The following CROT variants were observed in gnomAD, a reference collection of about 807,000 sequenced individuals.
The protein encoded by CROT is carnitine O-octanoyltransferase.
In CROT, 84 loss-of-function variants were observed where a neutral mutation model predicts 89.2. That is an observed-to-expected ratio of 0.94 (90% confidence interval 0.79 to 1.13). The LOEUF (loss-of-function observed/expected upper bound fraction) is 1.13, where lower values mean the gene tolerates loss of function less well. Among genes scored for constraint, CROT ranks in the 50% most tolerant of loss-of-function variants. CROT has a pLI of 0.00. For missense variants in CROT, 711 were observed against 727.8 expected (o/e 0.98, Z 0.27); for synonymous variants, 212 against 239.5 (o/e 0.89, Z 1.06).
Position 87,398,422 on chromosome 7 carries a change from AT to A in CROT, c.1719-99del, listed in dbSNP as rs1278392744. 7.8e-6 allele frequency: 11 copies of A among 1,405,500 alleles called. No homozygotes were observed. In the African/African-American group the frequency reaches 1.4e-4, roughly 18 times the overall value. The allele number at this position is 1,405,500 out of a possible 1,614,324, so 87.1% of individuals were successfully genotyped here. ...TTACCTAATGTCAGCAAGACTTCACATTTCATGTATGAATATCCAGATGAAA... is the reference window on the plus strand; with the variant it reads ...TTACCTAATGTCAGCAAGACTTCACATTCATGTATGAATATCCAGATGAAA... On this transcript the variant is annotated intron_variant, in intron 17 of 17. Transcript: ENST00000331536.
chr7:87,382,679 C>T, intron 13 of CROT, 136 bp downstream of exon 13: 1 of 802,120 alleles, frequency 1.2e-6, no homozygotes, highest in Non-Finnish European at 1.9e-6. Context: ...TTTGTACTTC[C>T]ATCAATAGAG....
chr7:87,382,304 T>C (rs1807037198), intron 12 of CROT, 109 bp from the exon 13 acceptor site: 1 of 1,437,534 alleles, frequency 7.0e-7, no homozygotes, highest in Non-Finnish European at 9.6e-7. Flanking sequence ...TTTAACACCT[T>C]TAATTCTTTA....
intron 10 of CROT, among the ~76,000 whole-genome samples, chr7:87,380,327 G>A (rs1431185610): frequency 6.6e-6 from 1 of 152,258 alleles, no homozygotes; most frequent in African/African-American, 2.4e-5. Flanking sequence ...AGGGTGCATA[G>A]GAAGCATGTA....
chr7:87,396,151 A>G (rs1373406672), intron 17 of CROT, among the ~76,000 whole-genome samples: 1 of 152,206 alleles, frequency 6.6e-6, no homozygotes, highest in East Asian at 1.9e-4. Context: ...ATGTTGGGCC[A>G]GTTTCAGTGG....
At chr7:87,348,905 T>C in intron 2 of CROT, 143 bp from the exon 3 acceptor site, 1 of 449,464 alleles carries the variant, frequency 2.2e-6, no homozygotes, top group Non-Finnish European at 4.0e-6. Context: ...TCTGACAGAT[T>C]TATAAATTTC....
rs754430658 is a variant in CROT, at chr7:87,394,689, CA to C, written c.1718+1630del. On this transcript the variant is annotated intron_variant, in intron 17 of 17. Coordinates refer to ENST00000331536, the MANE Select transcript of CROT (RefSeq NM_021151.4). Reference sequence around the variant, plus strand: ...TTGGTGGGTGCTATATTTTTTATAGCAAAAAAAATGCCTTTCTTGCTATAAA... The same window carrying C: ...TTGGTGGGTGCTATATTTTTTATAGCAAAAAAATGCCTTTCTTGCTATAAA... Among the ~76,000 whole-genome samples the C allele has an allele frequency of 3.7e-3, 565 of 151,152 alleles. 4 individuals carry two copies. Among genetic ancestry groups the C allele is most frequent in the South Asian group, 6.5e-3 (31 of 4,778 alleles).
intron 6 of CROT, among the ~76,000 whole-genome samples, chr7:87,363,617 T>C (rs1024642762): frequency 1.3e-5 from 2 of 152,164 alleles, no homozygotes; most frequent in Non-Finnish European, 2.9e-5. Flanking sequence ...GTAGATCATA[T>C]AGTACTTTAT....
intron 13 of CROT, among the ~76,000 whole-genome samples, chr7:87,391,193 AAG>A (rs1441532227): frequency 6.6e-6 from 1 of 152,226 alleles, no homozygotes; most frequent in Non-Finnish European, 1.5e-5. Context: ...ATAAGAGAAC[AAG>A]AGAGAGCTCT....
chr7:87,359,606 T>TTGGC, intron 4 of CROT: 27 of 1,180,862 alleles, frequency 2.3e-5, no homozygotes, highest in Non-Finnish European at 2.8e-5. Context: ...TTCATGTGGT[T>TTGGC]TGGCTGCAGG....
Position 87,393,032 on chromosome 7 carries a change from T to C in CROT, c.1683T>C (p.Asn561=), listed in dbSNP as rs370004706. ...GAGTGGTAGTTCCCATGGTACACAA[T>C]GGTTATGGATTTTTCTACCATATCA... is the stretch of plus-strand genomic sequence containing the variant. The part of the protein sequence containing the change: ...VQGVVVPMVH[N]GYGFFYHIRD... The change falls in exon 17 of 18, where the codon AAT becomes AAC. Residue 561 remains asparagine, a synonymous_variant. Transcript: ENST00000331536. 3 of 1,613,446 alleles carry C rather than the reference T, an allele frequency of 1.9e-6. No individual in the cohort carries two copies. In the African/African-American group the frequency reaches 4.0e-5, roughly 22 times the overall value.
chr7:87,360,553 C>A (rs1806235062), intron 4 of CROT, among the ~76,000 whole-genome samples: 1 of 152,128 alleles, frequency 6.6e-6, no homozygotes, highest in Non-Finnish European at 1.5e-5. Context: ...GTTGGCCAGG[C>A]TGGTCTCAAA....
At chr7:87,347,328 G>C (rs1805716447) in intron 2 of CROT, among the ~76,000 whole-genome samples, 1 of 152,314 alleles carries the variant, frequency 6.6e-6, no homozygotes, top group African/African-American at 2.4e-5. Flanking sequence ...GTGGTTTCAG[G>C]CAGGATTATT....
chr7:87,391,186 A>C (rs567199751), intron 13 of CROT, among the ~76,000 whole-genome samples: 1 of 152,324 alleles, frequency 6.6e-6, no homozygotes, highest in East Asian at 1.9e-4. Flanking sequence ...ATGAGAAATA[A>C]GAGAACAAGA....
intron 3 of CROT, among the ~76,000 whole-genome samples, chr7:87,356,758 C>T (rs1313825809): frequency 2.6e-5 from 4 of 152,184 alleles, no homozygotes; most frequent in African/African-American, 9.7e-5. Flanking sequence ...CACAGTGGCT[C>T]ACGTCTGTAA....
chr7:87,363,627 TA>T (rs1476841363), intron 6 of CROT, among the ~76,000 whole-genome samples: 1 of 152,200 alleles, frequency 6.6e-6, no homozygotes. Flanking sequence ...TAGTACTTTA[TA>T]AAACAAGGTA....
At chr7:87,375,040 G>A (rs1806760834) in intron 7 of CROT, among the ~76,000 whole-genome samples, 1 of 152,006 alleles carries the variant, frequency 6.6e-6, no homozygotes, top group Admixed American at 6.6e-5. Context: ...CAATCTAGGA[G>A]CATAAAATAC....
Position 87,391,726 on chromosome 7 carries a change from AGG to A in CROT, c.1425+15_1425+16del. On this transcript the variant is annotated intron_variant, in intron 14 of 17. Coordinates refer to ENST00000331536, the MANE Select transcript of CROT (RefSeq NM_021151.4). ...CCTTCTGTCAATGTGAGTATTGGAA[AGG>A]AAAAAAACTCACAAGATTTGTTTAA... 1 of 1,598,506 alleles carries A rather than the reference AGG, an allele frequency of 6.3e-7. No homozygotes were observed. The highest frequency in any genetic ancestry group is 1.4e-5 in the African/African-American group (1 of 73,968).
chr7:87,352,406 C>G (rs1805896943), intron 3 of CROT, among the ~76,000 whole-genome samples: 1 of 152,146 alleles, frequency 6.6e-6, no homozygotes, highest in Non-Finnish European at 1.5e-5. Context: ...CTTTCTAGGC[C>G]AGATGGGAAT....
chr7:87,387,849 G>A (rs1291241566), intron 13 of CROT, among the ~76,000 whole-genome samples: 1 of 152,196 alleles, frequency 6.6e-6, no homozygotes, highest in Non-Finnish European at 1.5e-5. Flanking sequence ...CTACTCAGGA[G>A]GCTGAGATAG....
Sources: allele counts gnomAD v4.1 joint callset (sites outside exome capture counted in the v4.1 genomes callset), GRCh38; gene constraint gnomAD v4.1.1; transcripts MANE v1.5; gene names NCBI Gene and HGNC (gene_info 2026-07-23, HGNC 2026-07-21).